Variants in CUL4B observed in about 807,000 individuals in gnomAD.
CUL4B encodes cullin-4B.
A neutral mutation model predicts 69.2 loss-of-function variants in CUL4B; 1 was observed. That is an observed-to-expected ratio of 0.01 (90% confidence interval 0.01 to 0.07). The LOEUF (loss-of-function observed/expected upper bound fraction) is 0.07, where lower values mean the gene tolerates loss of function less well. Ranked by LOEUF, CUL4B falls within the 10% of genes least tolerant of loss-of-function variation. The pLI is 1.00. For missense variants in CUL4B, 328 were observed against 638.8 expected (o/e 0.51, Z 5.24); for synonymous variants, 237 against 223.2 (o/e 1.06, Z -0.55).
chrX:120,546,534 T>C lies in CUL4B; in HGVS notation c.846+13A>G, dbSNP rs1924338957. ...CAATGTTTAGCCGAAATACAATACT[T>C]TTTCCAGCTTACCATTTGTCTGCAA... On this transcript the variant is annotated intron_variant, in intron 4 of 19. Transcript: ENST00000371322. 8.4e-7 allele frequency: 1 copy of C among 1,184,055 alleles called. No individual in the cohort carries two copies. Among genetic ancestry groups the C allele is most frequent in the African/African-American group, 1.7e-5 (1 of 57,309 alleles).
intron 2 of CUL4B, among the ~76,000 whole-genome samples, chrX:120,557,608 C>T (rs927752016): frequency 4.5e-5 from 5 of 111,926 alleles, no homozygotes; most frequent in Non-Finnish European, 7.5e-5. Context: ...AATAGAATGA[C>T]ATGTCACCAG....
chrX:120,564,762 C>T (rs1356647364), upstream of CUL4B, among the ~76,000 whole-genome samples: 1 of 112,528 alleles, frequency 8.9e-6, no homozygotes, highest in Non-Finnish European at 1.9e-5. Context: ...AATACATTTT[C>T]AAGGTTGAAC....
chrX:120,538,026 C>A, intron 14 of CUL4B, 98 bp downstream of exon 14: 2 of 624,593 alleles, frequency 3.2e-6, no homozygotes, highest in East Asian at 3.4e-5. Context: ...TGAATTACAA[C>A]AAACACGTTT....
intron 2 of CUL4B, chrX:120,574,496 C>T: frequency 9.5e-7 from 1 of 1,051,689 alleles, no homozygotes; most frequent in Non-Finnish European, 1.3e-6. Flanking sequence ...CCGCGCCCGG[C>T]CTGTTAACAA....
chrX:120,561,929 C>G (rs192355705), upstream of CUL4B, among the ~76,000 whole-genome samples: 1 of 111,278 alleles, frequency 9.0e-6, no homozygotes, highest in East Asian at 2.8e-4. Flanking sequence ...CACCACAGAC[C>G]CAAGGCTGAA....
chrX:120,564,399 G>C (rs1925430808), upstream of CUL4B, among the ~76,000 whole-genome samples: 1 of 108,691 alleles, frequency 9.2e-6, no homozygotes, highest in Non-Finnish European at 1.9e-5. Flanking sequence ...TGAGGTCAGG[G>C]GTTCAAGACC....
At chrX:120,541,025 A>C (rs1269988228) in intron 10 of CUL4B, among the ~76,000 whole-genome samples, 3 of 112,320 alleles carry the variant, frequency 2.7e-5, no homozygotes, top group Non-Finnish European at 5.6e-5. Context: ...AGATTGAAGA[A>C]AGGAAAGAAA....
At chrX:120,550,814 G>A (rs895586224) in intron 2 of CUL4B, among the ~76,000 whole-genome samples, 1 of 111,733 alleles carries the variant, frequency 8.9e-6, no homozygotes, top group African/African-American at 3.3e-5. Flanking sequence ...GTACTGTGAT[G>A]GAGCAATCTC....
chrX:120,534,524 T>C lies in CUL4B; in HGVS notation c.2223A>G (p.Gly741=). ...TGATCTCTTCTAAACTGAACTCCTC[T>C]CCCTCATTAAACATTAGCAGCACCA... ...QTLVLLMFNE[G]EEFSLEEIKQ... Residue 741 remains glycine, a synonymous_variant, in exon 17 of 20, where the codon GGA becomes GGG. Coordinates refer to ENST00000371322, the MANE Select transcript of CUL4B (RefSeq NM_001079872.2). The C allele has an allele frequency of 8.3e-7, 1 of 1,208,678 alleles. No individual in the cohort carries two copies. The highest frequency in any genetic ancestry group is 1.1e-6 in the Non-Finnish European group (1 of 893,183).
rs764061992 is a variant in CUL4B, at chrX:120,574,605, A to C, written c.13T>G (p.Ser5Ala). The change falls in exon 2 of 3, where the codon TCA becomes GCA. Residue 5 changes from serine to alanine, a missense_variant. Transcript: ENST00000486604. ...TCATTCCCATCTCCTGATCCAGATG[A>C]CTGTGACATCATCCGTCCTTTGGGT... 18 of 1,203,706 alleles carry C rather than the reference A, an allele frequency of 1.5e-5. No individual in the cohort carries two copies. The South Asian group carries it at 2.6e-4, about 18-fold the overall frequency.
In CUL4B at chrX:120,544,639, T is replaced by C; in HGVS notation, c.925A>G (p.Met309Val). 8.3e-7 allele frequency: 1 copy of C among 1,204,562 alleles called. No homozygotes were observed. The highest frequency in any genetic ancestry group is 3.0e-5 in the East Asian group (1 of 33,788). Residue 309 changes from methionine to valine, a missense_variant, in exon 6 of 20, where the codon ATG (methionine) becomes GTG (valine). By Grantham distance (21) the Met-to-Val change is conservative. This residue lies in a region of CUL4B where 126 missense variants were observed against 202.5 expected (regional missense o/e 0.62). Transcript: ENST00000371322. ...QNSMLPSIWDMGLELFRAHII... is the reference protein window; with the variant it reads ...QNSMLPSIWDVGLELFRAHII... Reference sequence around the variant, plus strand: ...TGAGCCCTAAATAACTCCAGTCCCATGTCCCTAAAATAAAAAACACATATA... The same window carrying C: ...TGAGCCCTAAATAACTCCAGTCCCACGTCCCTAAAATAAAAAACACATATA...
At chrX:120,533,063 T>C (rs1172039395) in intron 17 of CUL4B, among the ~76,000 whole-genome samples, 4 of 112,571 alleles carry the variant, frequency 3.6e-5, no homozygotes, top group Non-Finnish European at 7.5e-5. Context: ...CATCTCCATA[T>C]AACTGTGTCC....
chrX:120,535,300 G>A (rs1003561453), intron 16 of CUL4B, among the ~76,000 whole-genome samples: 1 of 111,277 alleles, frequency 9.0e-6, no homozygotes, highest in African/African-American at 3.3e-5. Context: ...TTTGCAGAAG[G>A]GCCAAATCAA....
intron 13 of CUL4B, 116 bp from the exon 14 acceptor site, chrX:120,538,325 TAAG>T: frequency 2.0e-6 from 1 of 496,217 alleles, no homozygotes; most frequent in Non-Finnish European, 3.3e-6. Context: ...GTAACTTTCA[TAAG>T]AATAAAAAGA....
chrX:120,543,069 G>A (rs746763400), intron 8 of CUL4B, 36 bp from the exon 9 acceptor site: 3 of 965,709 alleles, frequency 3.1e-6, no homozygotes, highest in East Asian at 3.1e-5. Flanking sequence ...TATTATTGAC[G>A]TTTGACTTCC....
intron 17 of CUL4B, among the ~76,000 whole-genome samples, chrX:120,534,129 G>T (rs1250357652): frequency 9.2e-6 from 1 of 109,284 alleles, no homozygotes; most frequent in Non-Finnish European, 1.9e-5. Context: ...CAGTACTTAG[G>T]GAGGCTGAGG....
At chrX:120,559,532 C>T (rs1431720054) in intron 1 of CUL4B, among the ~76,000 whole-genome samples, 1 of 112,229 alleles carries the variant, frequency 8.9e-6, no homozygotes, top group Non-Finnish European at 1.9e-5. Flanking sequence ...CTTTCAAACC[C>T]TACCTTTGGA....
chrX:120,538,488 ACT>A (rs1428333975), intron 13 of CUL4B, 170 bp downstream of exon 13: 2 of 438,847 alleles, frequency 4.6e-6, no homozygotes, highest in Admixed American at 4.5e-5. Context: ...AAAAAAAACA[ACT>A]CTGGATATTA....
upstream of CUL4B, among the ~76,000 whole-genome samples, chrX:120,561,842 A>G (rs1925340241): frequency 9.0e-6 from 1 of 111,348 alleles, no homozygotes; most frequent in Non-Finnish European, 1.9e-5. Flanking sequence ...GGAAAGGAGA[A>G]GAAAACGAGC....
Sources: gnomAD v4.1 joint callset for allele counts (sites outside exome capture counted in the v4.1 genomes callset) on GRCh38, gnomAD v4.1.1 for gene constraint, gnomAD v4.1.1 regional missense constraint, MANE v1.5 for transcripts, NCBI Gene and HGNC (gene_info 2026-07-23, HGNC 2026-07-21) for gene names.